The following NRDC variants were observed in gnomAD, a reference collection of about 807,000 sequenced individuals.
The protein encoded by NRDC is nardilysin.
NRDC carries 54 observed loss-of-function variants against 147.1 expected under a neutral mutation model. The observed-to-expected ratio is 0.37, with a 90% confidence interval of 0.29 to 0.46. The LOEUF is 0.46. NRDC is among the 20% of genes least tolerant of loss of function. The pLI, the probability that NRDC is intolerant of heterozygous loss-of-function variation, is 1.00. For missense variants in NRDC, 1,082 were observed against 1,370.6 expected, an observed-to-expected ratio of 0.79 and a Z score of 3.33; for synonymous variants, 440 against 482.1, an observed-to-expected ratio of 0.91 and a Z score of 1.14.
chr1:51,800,814 T>C (rs902818660), intron 20 of NRDC, 131 bp from the exon 21 acceptor site: 1 of 820,602 alleles, frequency 1.2e-6, no homozygotes, highest in Non-Finnish European at 1.9e-6. Flanking sequence ...CATAAGAAAA[T>C]TACTAACAAC....
At chr1:51,822,248 C>T (rs558768991) in intron 7 of NRDC, among the ~76,000 whole-genome samples, 1 of 152,084 alleles carries the variant, frequency 6.6e-6, no homozygotes, top group South Asian at 2.1e-4. Flanking sequence ...AATAGAGAAC[C>T]CCATTATATA....
chr1:51,854,581 GC>G (rs1682143176), intron 1 of NRDC, among the ~76,000 whole-genome samples: 1 of 152,094 alleles, frequency 6.6e-6, no homozygotes, highest in Non-Finnish European at 1.5e-5. Flanking sequence ...CACCTAGCTA[GC>G]CCTGAAAAAT....
At chr1:51,844,960 A>G (rs1413960450) in intron 1 of NRDC, among the ~76,000 whole-genome samples, 1 of 152,082 alleles carries the variant, frequency 6.6e-6, no homozygotes, top group African/African-American at 2.4e-5. Flanking sequence ...TCTGTCTTTG[A>G]TATTTTGTTA....
chr1:51,833,098 G>A (rs1164300791), intron 4 of NRDC, among the ~76,000 whole-genome samples: 1 of 152,158 alleles, frequency 6.6e-6, no homozygotes, highest in Non-Finnish European at 1.5e-5. Flanking sequence ...GTTATCTCTA[G>A]ATTATAAAGT....
chr1:51,861,930 C>T (rs1415028659), intron 1 of NRDC, among the ~76,000 whole-genome samples: 2 of 152,044 alleles, frequency 1.3e-5, no homozygotes, highest in Non-Finnish European at 2.9e-5. Flanking sequence ...ATGGAAACTT[C>T]GACGACTCAG....
intron 8 of NRDC, among the ~76,000 whole-genome samples, chr1:51,820,185 A>T (rs536301781): frequency 2.6e-5 from 4 of 152,328 alleles, no homozygotes; most frequent in African/African-American, 9.6e-5. Context: ...CCTCCTAGAC[A>T]AAGCCATTCC....
In NRDC at chr1:51,821,566, G is replaced by A. The variant is rs1455839709; in HGVS notation, c.1160-11C>T. 6.3e-7 allele frequency: 1 copy of A among 1,592,040 alleles called. No homozygotes were observed. The highest frequency in any genetic ancestry group is 8.6e-7 in the Non-Finnish European group (1 of 1,160,444). Reference sequence around the variant, plus strand: ...AAGTATCCAGTGTTTCTTGAGAGGGGAGGGCAGGGAAGAGACAGGAAAATG... The same window carrying A: ...AAGTATCCAGTGTTTCTTGAGAGGGAAGGGCAGGGAAGAGACAGGAAAATG... On this transcript the variant is annotated splice_polypyrimidine_tract_variant and intron_variant, in intron 7 of 30. Coordinates refer to ENST00000352171, the MANE Select transcript of NRDC (RefSeq NM_001101662.2).
chr1:51,868,800 G>A (rs1400223099), intron 1 of NRDC, among the ~76,000 whole-genome samples: 1 of 152,090 alleles, frequency 6.6e-6, no homozygotes, highest in Non-Finnish European at 1.5e-5. Context: ...TTGAGCCTGG[G>A]AGGTGGAGGT....
At chr1:51,795,293 A>G in intron 22 of NRDC, 1 of 1,027,698 alleles carries the variant, frequency 9.7e-7, no homozygotes, top group Non-Finnish European at 1.3e-6. Context: ...TTATCTATAA[A>G]ATAAGGGATA....
At chr1:51,859,798 T>C (rs1435151130) in intron 1 of NRDC, 6 of 152,922 alleles carry the variant, frequency 3.9e-5, no homozygotes, top group Admixed American at 2.6e-4. Context: ...AATGATGTAG[T>C]TAGATGTAGG....
intron 1 of NRDC, among the ~76,000 whole-genome samples, chr1:51,875,181 A>G (rs948571409): frequency 1.3e-5 from 2 of 152,234 alleles, no homozygotes; most frequent in African/African-American, 4.8e-5. Context: ...GTCTTTAAAG[A>G]TCACCTAGTC....
chr1:51,865,905 A>G (rs979167027), intron 1 of NRDC, among the ~76,000 whole-genome samples: 19 of 151,860 alleles, frequency 1.3e-4, no homozygotes, highest in Non-Finnish European at 2.2e-4. Context: ...CAAAAAAAAA[A>G]AAAATTAGCT....
chr1:51,791,555 C>G (rs1404343623), intron 27 of NRDC, 23 bp downstream of exon 27: 2 of 1,566,822 alleles, frequency 1.3e-6, no homozygotes, highest in African/African-American at 2.7e-5. Flanking sequence ...AGGTTACACT[C>G]ATCTATTCAC....
At chr1:51,871,518 A>T (rs1683086538) in intron 1 of NRDC, among the ~76,000 whole-genome samples, 1 of 77,122 alleles carries the variant, frequency 1.3e-5, no homozygotes, top group Non-Finnish European at 2.7e-5. Context: ...GGTTCATTAA[A>T]AAAAAAAAAA....
chr1:51,821,586 A>G lies in NRDC; in HGVS notation c.1160-31T>C, dbSNP rs562591205. The G allele has an allele frequency of 2.5e-5, 35 of 1,416,894 alleles. No individual in the cohort carries two copies. In the East Asian group the frequency reaches 7.5e-4, roughly 30 times the overall value. 87.8% of individuals were successfully genotyped at this position (1,416,894 alleles called of 1,614,324 possible). A position where few individuals can be genotyped will look rare whatever the true frequency, so the allele number is the denominator to read the frequency against. ...GAGGGGAGGGCAGGGAAGAGACAGG[A>G]AAATGCAATGACATTATTCAAGGTA... On this transcript the variant is annotated intron_variant, in intron 7 of 30. Transcript: ENST00000352171.
intron 1 of NRDC, among the ~76,000 whole-genome samples, chr1:51,860,985 T>C (rs1174651732): frequency 6.6e-6 from 1 of 151,598 alleles, no homozygotes; most frequent in African/African-American, 2.4e-5. Context: ...AGTCTCGATC[T>C]GTCACCCAAG....
At chr1:51,804,014 A>G (rs1348797753) in intron 19 of NRDC, 50 bp from the exon 20 acceptor site, 17 of 1,484,332 alleles carry the variant, frequency 1.1e-5, no homozygotes, top group East Asian at 2.3e-5. Flanking sequence ...AGAAAGACAC[A>G]TGAAATAGAT....
In NRDC at chr1:51,792,107, C is replaced by G. The variant is rs1678684289; in HGVS notation, c.2824-9G>C. 6.2e-7 allele frequency: 1 copy of G among 1,613,696 alleles called. No individual in the cohort carries two copies. The highest frequency in any genetic ancestry group is 2.2e-5 in the East Asian group (1 of 44,872). On this transcript the variant is annotated splice_polypyrimidine_tract_variant and intron_variant, in intron 25 of 30. Coordinates refer to ENST00000352171, the MANE Select transcript of NRDC (RefSeq NM_001101662.2). The stretch of plus-strand genomic sequence containing the variant: ...GGTTCTTCCATGTGCATCTGTAATT[C>G]AACATACTGCCCATCAGCCCAACTC...
At chr1:51,864,236 A>G (rs1252574664) in intron 1 of NRDC, among the ~76,000 whole-genome samples, 1 of 152,252 alleles carries the variant, frequency 6.6e-6, no homozygotes, top group Non-Finnish European at 1.5e-5. Flanking sequence ...CAATATTAAT[A>G]TATTGGCGGT....
Sources: allele counts gnomAD v4.1 joint callset (sites outside exome capture counted in the v4.1 genomes callset), GRCh38; gene constraint gnomAD v4.1.1; transcripts MANE v1.5; gene names NCBI Gene and HGNC (gene_info 2026-07-23, HGNC 2026-07-21).